The following MAPK4 variants were observed in gnomAD, a reference collection of about 807,000 sequenced individuals.
The protein encoded by MAPK4 is Erk3-related.
Under a neutral mutation model 47.7 loss-of-function variants are expected in MAPK4, and 22 were observed. The observed-to-expected ratio is 0.46, with a 90% CI of 0.33 to 0.66. MAPK4 has a LOEUF of 0.66. Among genes scored for constraint, MAPK4 ranks in the 30% least tolerant of loss-of-function variants. MAPK4 has a pLI of 0.02. For synonymous variants in MAPK4, 390 were observed against 365.7 expected, an observed-to-expected ratio of 1.07 and a Z score of -0.76; for missense variants, 736 against 831.7, an observed-to-expected ratio of 0.88 and a Z score of 1.42.
intron 2 of MAPK4, among the ~76,000 whole-genome samples, chr18:50,671,290 G>A (rs1907935433): frequency 6.6e-6 from 1 of 152,098 alleles, no homozygotes; most frequent in Non-Finnish European, 1.5e-5. Context: ...AAACCCATAG[G>A]AGGACTGTTT....
chr18:50,631,075 T>A (rs1163190282), intron 1 of MAPK4, among the ~76,000 whole-genome samples: 1 of 152,240 alleles, frequency 6.6e-6, no homozygotes, highest in Non-Finnish European at 1.5e-5. Flanking sequence ...AAAATTTGAC[T>A]CGCCTGACAT....
At chr18:50,649,687 A>G (rs187305534) in intron 1 of MAPK4, among the ~76,000 whole-genome samples, 7 of 152,306 alleles carry the variant, frequency 4.6e-5, no homozygotes, top group Non-Finnish European at 7.3e-5. Context: ...GGCAATATCT[A>G]TCAAGTACTC....
At chr18:50,622,423 G>A (rs1029008862) in intron 1 of MAPK4, among the ~76,000 whole-genome samples, 4 of 152,174 alleles carry the variant, frequency 2.6e-5, no homozygotes, top group East Asian at 1.9e-4. Flanking sequence ...CTAGTTGGAG[G>A]CCCTTTGTAT....
At chr18:50,623,391 T>G (rs1309699838) in intron 1 of MAPK4, among the ~76,000 whole-genome samples, 1 of 152,236 alleles carries the variant, frequency 6.6e-6, no homozygotes, top group African/African-American at 2.4e-5. Flanking sequence ...CAAATCAGCT[T>G]GTCCCCACTT....
chr18:50,561,991 C>A (rs992527037), intron 1 of MAPK4, among the ~76,000 whole-genome samples: 1 of 152,150 alleles, frequency 6.6e-6, no homozygotes, highest in Non-Finnish European at 1.5e-5. Context: ...TACTGTCATA[C>A]CGTGCTTAAA....
rs2144512412 is a variant in MAPK4 at position 50,731,712 on chromosome 18, A to G, written c.*1858A>G. The G allele has an allele frequency of 6.6e-6, 1 of 152,370 alleles. No homozygotes were observed. The highest frequency in any genetic ancestry group is 6.5e-5 in the Admixed American group (1 of 15,310). The allele number at this position is 152,370 out of a possible 1,614,324, so 9.4% of individuals were successfully genotyped here. ...AGCTGCTGGCCTTGACCAGGAGTTC[A>G]TATATAACTGTTATTACAGAGGAAT... On this transcript the variant is annotated 3_prime_UTR_variant, in exon 6 of 6. Transcript: ENST00000400384.
chr18:50,676,751 A>ACACT (rs1349521093), intron 2 of MAPK4, among the ~76,000 whole-genome samples: 2 of 152,258 alleles, frequency 1.3e-5, no homozygotes, highest in African/African-American at 4.8e-5. Flanking sequence ...GAATTGTTAC[A>ACACT]CGAGTATGTT....
At chr18:50,591,885 G>A (rs578158637) in intron 1 of MAPK4, among the ~76,000 whole-genome samples, 5 of 152,146 alleles carry the variant, frequency 3.3e-5, no homozygotes, top group Admixed American at 6.5e-5. Context: ...TCTAGGGCCC[G>A]CCGGGTTCAT....
At chr18:50,632,558 A>T (rs1568053883) in intron 1 of MAPK4, among the ~76,000 whole-genome samples, 1 of 149,686 alleles carries the variant, frequency 6.7e-6, no homozygotes, top group Non-Finnish European at 1.5e-5. Flanking sequence ...TTTGTGAGTT[A>T]TATTATACAC....
intron 2 of MAPK4, among the ~76,000 whole-genome samples, chr18:50,680,469 A>G (rs746509093): frequency 2.0e-5 from 3 of 152,140 alleles, no homozygotes; most frequent in South Asian, 2.1e-4. Flanking sequence ...CTACAATTCA[A>G]TGACTTTTAA....
intron 1 of MAPK4, among the ~76,000 whole-genome samples, chr18:50,640,263 A>T (rs557990406): frequency 6.6e-6 from 1 of 152,174 alleles, no homozygotes; most frequent in South Asian, 2.1e-4. Flanking sequence ...CTTGGGGGCC[A>T]TATCAACAGC....
intron 1 of MAPK4, among the ~76,000 whole-genome samples, chr18:50,592,104 A>G (rs1472912054): frequency 2.0e-5 from 3 of 152,294 alleles, no homozygotes; most frequent in South Asian, 4.1e-4. Flanking sequence ...GAGACTGGGA[A>G]AGGACTTAGG....
At chr18:50,615,883 A>G (rs1026682565) in intron 1 of MAPK4, among the ~76,000 whole-genome samples, 12 of 152,212 alleles carry the variant, frequency 7.9e-5, no homozygotes, top group African/African-American at 2.7e-4. Flanking sequence ...AACTCTTTCA[A>G]GATACCTTGG....
intron 1 of MAPK4, among the ~76,000 whole-genome samples, chr18:50,644,474 G>A (rs1421453639): frequency 6.6e-6 from 1 of 152,116 alleles, no homozygotes; most frequent in Non-Finnish European, 1.5e-5. Context: ...CAGACACAGG[G>A]AAGGAACTGC....
At chr18:50,669,921 AG>A (rs1399820961) in intron 2 of MAPK4, 2 of 152,276 alleles carry the variant, frequency 1.3e-5, no homozygotes, top group Non-Finnish European at 2.9e-5. Flanking sequence ...GCACTTTGGG[AG>A]GCCAAGGCAG....
At chr18:50,566,341 G>C (rs56156339) in intron 1 of MAPK4, among the ~76,000 whole-genome samples, 1 of 152,254 alleles carries the variant, frequency 6.6e-6, no homozygotes, top group African/African-American at 2.4e-5. Context: ...AGATTTTAGG[G>C]GTTTCTGGCC....
In MAPK4 at chr18:50,656,786, A is replaced by G. The variant is rs145571687; in HGVS notation, c.-870-6303A>G. ...TTATTGTTGTAGTTCCACTCCCCCA[A>G]TATGAATATAAGCTTCTTGAGGTCA... is the stretch of plus-strand genomic sequence containing the variant. On this transcript the variant is annotated intron_variant, in intron 1 of 5. Coordinates refer to ENST00000400384, the MANE Select transcript of MAPK4 (RefSeq NM_002747.4). Among the ~76,000 whole-genome samples the G allele has an allele frequency of 6.2e-3, 939 of 152,304 alleles. 5 individuals are homozygous for G. Among genetic ancestry groups the G allele is most frequent in the African/African-American group, 0.021 (867 of 41,560 alleles).
intron 1 of MAPK4, among the ~76,000 whole-genome samples, chr18:50,564,564 A>G (rs1238092017): frequency 1.3e-5 from 2 of 152,258 alleles, no homozygotes; most frequent in African/African-American, 2.4e-5. Context: ...ATGTAATTCA[A>G]TTCTTTTCAA....
chr18:50,694,066 G>A (rs1200386836), intron 2 of MAPK4, among the ~76,000 whole-genome samples: 1 of 152,180 alleles, frequency 6.6e-6, no homozygotes, highest in Non-Finnish European at 1.5e-5. Context: ...AAGAGACTTG[G>A]GATGGGGAAA....
Sources: gnomAD v4.1 joint callset for allele counts (sites outside exome capture counted in the v4.1 genomes callset) on GRCh38, gnomAD v4.1.1 for gene constraint, MANE v1.5 for transcripts, NCBI Gene and HGNC (gene_info 2026-07-23, HGNC 2026-07-21) for gene names.